The following SOX5 variants were observed in gnomAD, a reference collection of about 807,000 sequenced individuals.
The protein encoded by SOX5 is SRY-box transcription factor 5, also known as transcription factor SOX-5.
Under a neutral mutation model 92.0 loss-of-function variants are expected in SOX5, and 9 were observed. The observed-to-expected ratio is 0.10, with a 90% CI of 0.06 to 0.17. SOX5 has a LOEUF of 0.17. Among genes scored for constraint, SOX5 ranks in the 10% least tolerant of loss-of-function variants. SOX5 has a pLI of 1.00. For missense variants in SOX5, 642 were observed against 944.5 expected (o/e 0.68, Z 4.20); for synonymous variants, 344 against 336.3 (o/e 1.02, Z -0.25).
At chr12:23,620,667 A>T (rs1415716835) in intron 8 of SOX5, among the ~76,000 whole-genome samples, 1 of 152,118 alleles carries the variant, frequency 6.6e-6, no homozygotes, top group East Asian at 1.9e-4. Context: ...TAACTCATAA[A>T]TCAATTAAAA....
rs189461297 is a variant in SOX5, at chr12:23,847,698, C to T, written c.271-1505G>A. Among the ~76,000 whole-genome samples the T allele has an allele frequency of 3.6e-4, 55 of 152,040 alleles. No homozygotes were observed. The East Asian group carries it at 9.5e-3, about 26-fold the overall frequency. Reference sequence around the variant, plus strand: ...AAAAAAAAAATGTGCACAACAGAATCTTCCAAATTATAATTCTAAACCTCA... The same window carrying T: ...AAAAAAAAAATGTGCACAACAGAATTTTCCAAATTATAATTCTAAACCTCA... On this transcript the variant is annotated intron_variant, in intron 2 of 14. Transcript: ENST00000451604.
At chr12:24,384,656 G>C (rs930222114) in intron 1 of SOX5, among the ~76,000 whole-genome samples, 2 of 152,224 alleles carry the variant, frequency 1.3e-5, no homozygotes, top group Non-Finnish European at 2.9e-5. Flanking sequence ...TGTTGCACCT[G>C]AAACAGCAAA....
intron 2 of SOX5, among the ~76,000 whole-genome samples, chr12:24,353,060 A>C (rs1954305446): frequency 6.6e-6 from 1 of 152,200 alleles, no homozygotes; most frequent in Admixed American, 6.5e-5. Context: ...CAGGGGCTCC[A>C]GTTTCCCAGG....
At chr12:23,615,205 G>C (rs1216277858) in intron 8 of SOX5, among the ~76,000 whole-genome samples, 3 of 151,910 alleles carry the variant, frequency 2.0e-5, no homozygotes, top group African/African-American at 7.3e-5. Flanking sequence ...TAATGATGTT[G>C]AGCATCTTTT....
chr12:23,731,487 T>C (rs2093391115), intron 6 of SOX5, among the ~76,000 whole-genome samples: 1 of 152,210 alleles, frequency 6.6e-6, no homozygotes, highest in African/African-American at 2.4e-5. Context: ...TGTTTGTGCA[T>C]ACACATAAAC....
chr12:24,110,092 T>G (rs1043044532), intron 4 of SOX5, among the ~76,000 whole-genome samples: 1 of 152,232 alleles, frequency 6.6e-6, no homozygotes, highest in Non-Finnish European at 1.5e-5. Context: ...ACTGCATCCC[T>G]TTGCCTATAA....
intron 3 of SOX5, among the ~76,000 whole-genome samples, chr12:23,760,065 A>G (rs1489824892): frequency 6.6e-6 from 1 of 152,046 alleles, no homozygotes; most frequent in Non-Finnish European, 1.5e-5. Context: ...CCTCCTCCTG[A>G]GAGTTCATTC....
intron 4 of SOX5, among the ~76,000 whole-genome samples, chr12:24,033,813 T>A (rs896394643): frequency 1.4e-4 from 22 of 152,190 alleles, no homozygotes; most frequent in Middle Eastern, 3.4e-3. Context: ...CACAGTTGTA[T>A]AAAAGAAGAC....
chr12:23,655,502 T>C (rs2139164646), intron 7 of SOX5, among the ~76,000 whole-genome samples: 1 of 152,312 alleles, frequency 6.6e-6, no homozygotes, highest in Non-Finnish European at 1.5e-5. Context: ...GGCATTCGCA[T>C]AAGCCACTTA....
At chr12:24,485,023 G>C (rs368476363) in intron 1 of SOX5, among the ~76,000 whole-genome samples, 3 of 152,142 alleles carry the variant, frequency 2.0e-5, no homozygotes, top group South Asian at 4.1e-4. Context: ...ATTTAAGGGA[G>C]GATTTACAAG....
At chr12:24,521,168 C>A (rs2138482421) in intron 1 of SOX5, among the ~76,000 whole-genome samples, 1 of 152,290 alleles carries the variant, frequency 6.6e-6, no homozygotes, top group East Asian at 1.9e-4. Flanking sequence ...AATTCTCTTG[C>A]CTCAGCCTCC....
intron 3 of SOX5, among the ~76,000 whole-genome samples, chr12:24,256,614 A>C (rs1345101267): frequency 2.1e-5 from 3 of 143,446 alleles, no homozygotes; most frequent in African/African-American, 7.5e-5. Context: ...GAAGAGTTGA[A>C]AATGAGGGAG....
At chr12:24,248,573 C>T (rs1202257833) in intron 3 of SOX5, among the ~76,000 whole-genome samples, 1 of 152,068 alleles carries the variant, frequency 6.6e-6, no homozygotes, top group Admixed American at 6.6e-5. Flanking sequence ...TTAGTAGAGA[C>T]GGAGTTTTAC....
chr12:24,038,440 T>C lies in SOX5; in HGVS notation c.-1-142416A>G, dbSNP rs375682110. 4.7e-4 allele frequency among the ~76,000 whole-genome samples: 72 copies of C among 152,338 alleles called. No individual in the cohort carries two copies. The East Asian group carries it at 6.0e-3, about 13-fold the overall frequency. On this transcript the variant is annotated intron_variant, in intron 4 of 4. Coordinates refer to the SOX5 transcript ENST00000446891. ...CTAGTCCTATGACATGTGACTGGGCTTGGGAAGTTCCCGTGTCAGTTCCAA... is the reference window on the plus strand; with the variant it reads ...CTAGTCCTATGACATGTGACTGGGCCTGGGAAGTTCCCGTGTCAGTTCCAA...
intron 4 of SOX5, among the ~76,000 whole-genome samples, chr12:24,055,395 A>G (rs1364867277): frequency 1.3e-5 from 2 of 152,270 alleles, no homozygotes; most frequent in Non-Finnish European, 2.9e-5. Context: ...TCTATAGGAC[A>G]TGGCAAAAAA....
At chr12:23,553,016 T>C (rs1944499631) in intron 11 of SOX5, among the ~76,000 whole-genome samples, 1 of 152,022 alleles carries the variant, frequency 6.6e-6, no homozygotes, top group South Asian at 2.1e-4. Flanking sequence ...GATATTTTCT[T>C]TCCACTCCAC....
chr12:24,355,643 T>A (rs1340990766), intron 2 of SOX5, among the ~76,000 whole-genome samples: 3 of 152,172 alleles, frequency 2.0e-5, no homozygotes, highest in Non-Finnish European at 4.4e-5. Flanking sequence ...AAAAACAAAC[T>A]GTTTATTTTT....
At chr12:24,453,298 T>TA (rs55654946) in intron 1 of SOX5, among the ~76,000 whole-genome samples, 28 of 151,394 alleles carry the variant, frequency 1.8e-4, no homozygotes, top group African/African-American at 4.9e-4. Context: ...TTTGAAATAA[T>TA]AAAAAAAAAT....
At chr12:24,315,559 T>A (rs486149) in intron 2 of SOX5, among the ~76,000 whole-genome samples, 1 of 151,934 alleles carries the variant, frequency 6.6e-6, no homozygotes, top group Non-Finnish European at 1.5e-5. Flanking sequence ...TTCTTCAAAG[T>A]TTCAAATTAA....
Sources: gnomAD v4.1 joint callset for allele counts (sites outside exome capture counted in the v4.1 genomes callset) on GRCh38, gnomAD v4.1.1 for gene constraint, MANE v1.5 for transcripts, NCBI Gene and HGNC (gene_info 2026-07-23, HGNC 2026-07-21) for gene names.